Variants in ANKIB1 observed in about 807,000 individuals in gnomAD.
ANKIB1 encodes the protein ankyrin repeat and IBR domain-containing protein 1.
A neutral mutation model predicts 122.1 loss-of-function variants in ANKIB1; 43 were observed. That is an observed-to-expected ratio of 0.35 (90% CI 0.28 to 0.45). The LOEUF (loss-of-function observed/expected upper bound fraction) is 0.45. Among genes scored for constraint, ANKIB1 ranks in the 20% least tolerant of loss-of-function variants. The pLI is 1.00. For missense variants in ANKIB1, 992 were observed against 1,329.5 expected (o/e 0.75, Z 3.95); for synonymous variants, 390 against 442.0 (o/e 0.88, Z 1.48).
At position 92,362,106 on chromosome 7, in the gene ANKIB1, C is replaced by T. The variant is rs550805230; in HGVS notation, c.1398-79C>T. 60 of 1,341,218 alleles carry T rather than the reference C, an allele frequency of 4.5e-5. 1 individual carries two copies. The highest frequency in any genetic ancestry group is 3.6e-4 in the Middle Eastern group (2 of 5,506). 83.1% of individuals were successfully genotyped at this position (1,341,218 alleles called of 1,614,324 possible). A position where few individuals can be genotyped will look rare whatever the true frequency, so the allele number is the denominator to read the frequency against. On this transcript the variant is annotated intron_variant, in intron 9 of 19. Coordinates refer to ENST00000265742, the MANE Select transcript of ANKIB1 (RefSeq NM_019004.2). ...GATTACAGGCATGAGCCACCACGCC[C>T]GGCCTCTACACACTTTTTTTACCTT...
intron 9 of ANKIB1, among the ~76,000 whole-genome samples, chr7:92,357,913 A>G (rs1401382258): frequency 1.3e-5 from 2 of 152,148 alleles, no homozygotes; most frequent in Non-Finnish European, 2.9e-5. Flanking sequence ...TTATTTTTCC[A>G]GATGCCGTAG....
chr7:92,279,267 G>A (rs1191258110), intron 1 of ANKIB1, among the ~76,000 whole-genome samples: 1 of 152,186 alleles, frequency 6.6e-6, no homozygotes, highest in Non-Finnish European at 1.5e-5. Flanking sequence ...GCTACAACCT[G>A]GGGTTTGGGG....
intron 1 of ANKIB1, among the ~76,000 whole-genome samples, chr7:92,276,575 A>G (rs1347579647): frequency 2.0e-5 from 3 of 152,268 alleles, no homozygotes; most frequent in African/African-American, 7.2e-5. Flanking sequence ...CATTTAGCCA[A>G]GGTACCTTGA....
chr7:92,351,341 C>G (rs1426457218), intron 8 of ANKIB1, among the ~76,000 whole-genome samples: 3 of 152,090 alleles, frequency 2.0e-5, no homozygotes, highest in Non-Finnish European at 4.4e-5. Context: ...TAAAATAAAA[C>G]TATTTATCAG....
At chr7:92,257,566 G>A (rs772294143) in intron 1 of ANKIB1, among the ~76,000 whole-genome samples, 15 of 152,234 alleles carry the variant, frequency 9.9e-5, no homozygotes, top group Non-Finnish European at 1.9e-4. Context: ...GCTGAGGCAA[G>A]TGGATCACCT....
intron 9 of ANKIB1, among the ~76,000 whole-genome samples, chr7:92,355,798 G>A (rs1434156115): frequency 1.3e-5 from 2 of 151,210 alleles, no homozygotes; most frequent in South Asian, 4.2e-4. Context: ...GCAGTGAGCC[G>A]AGATCAAGCC....
intron 3 of ANKIB1, among the ~76,000 whole-genome samples, chr7:92,314,049 C>CCT (rs1802743581): frequency 1.3e-5 from 2 of 152,114 alleles, no homozygotes; most frequent in Non-Finnish European, 2.9e-5. Flanking sequence ...TGTAATCCCA[C>CCT]TACTTTGGTT....
chr7:92,294,754 A>T (rs187867168), intron 1 of ANKIB1, 135 bp from the exon 2 acceptor site: 1 of 434,158 alleles, frequency 2.3e-6, no homozygotes. Context: ...CTGTTAAGAT[A>T]AATTTGGTAA....
intron 1 of ANKIB1, among the ~76,000 whole-genome samples, chr7:92,266,800 C>T (rs1269251014): frequency 6.6e-6 from 1 of 152,210 alleles, no homozygotes; most frequent in Non-Finnish European, 1.5e-5. Context: ...CCACACATGG[C>T]AGAAGCCTAC....
intron 1 of ANKIB1, among the ~76,000 whole-genome samples, chr7:92,287,807 G>A (rs553604535): frequency 1.8e-4 from 27 of 152,050 alleles, no homozygotes; most frequent in Non-Finnish European, 3.8e-4. Context: ...AGGCCAGGGT[G>A]GGCAGATCAT....
At chr7:92,387,395 G>T (rs1453002684) in intron 12 of ANKIB1, among the ~76,000 whole-genome samples, 1 of 151,980 alleles carries the variant, frequency 6.6e-6, no homozygotes, top group African/African-American at 2.4e-5. Context: ...AGCACTTTTG[G>T]GAGGCCGAGG....
intron 9 of ANKIB1, among the ~76,000 whole-genome samples, chr7:92,361,890 A>G (rs1168551317): frequency 6.6e-6 from 1 of 151,710 alleles, no homozygotes; most frequent in Non-Finnish European, 1.5e-5. Flanking sequence ...GCTCACTGCA[A>G]CCTCCACCTC....
chr7:92,334,876 C>T (rs1803253867), intron 5 of ANKIB1, among the ~76,000 whole-genome samples: 1 of 151,826 alleles, frequency 6.6e-6, no homozygotes, highest in Non-Finnish European at 1.5e-5. Context: ...GTAAACAGTG[C>T]TGTGATTAGC....
intron 1 of ANKIB1, among the ~76,000 whole-genome samples, chr7:92,286,479 A>AT (rs34483972): frequency 0.015 from 1,959 of 134,282 alleles, 31 homozygotes; most frequent in African/African-American, 0.035. Flanking sequence ...TATTATCCGT[A>AT]TTTTTTTTTT....
chr7:92,285,437 G>T (rs10953068), intron 1 of ANKIB1, among the ~76,000 whole-genome samples: 22,423 of 152,136 alleles, frequency 0.15, 2,079 homozygotes, highest in East Asian at 0.38. Flanking sequence ...ATTGGTGGAC[G>T]TTTTAGTCTT....
chr7:92,309,942 A>AATATATATATATATATATATATATATAT (rs1162113763), intron 3 of ANKIB1, among the ~76,000 whole-genome samples: 11 of 91,686 alleles, frequency 1.2e-4, no homozygotes, highest in East Asian at 9.2e-4. Flanking sequence ...AAAAAAAAAA[A>AATATATATATATATATATATATATATAT]ATATATATAT....
intron 14 of ANKIB1, among the ~76,000 whole-genome samples, chr7:92,389,542 A>G (rs1023745885): frequency 1.3e-5 from 2 of 151,994 alleles, no homozygotes; most frequent in African/African-American, 4.8e-5. Context: ...TTGGTTTTGC[A>G]TAATTAGGCT....
intron 1 of ANKIB1, among the ~76,000 whole-genome samples, chr7:92,254,604 A>G (rs572852943): frequency 6.6e-6 from 1 of 152,230 alleles, no homozygotes; most frequent in African/African-American, 2.4e-5. Flanking sequence ...ATCTTTCAAT[A>G]TATTTGTTGG....
intron 9 of ANKIB1, 29 bp from the exon 10 acceptor site, chr7:92,362,156 A>G (rs1409842787): frequency 7.1e-6 from 11 of 1,556,826 alleles, no homozygotes; most frequent in Non-Finnish European, 9.6e-6. Context: ...ATATTTTAAA[A>G]TTGTCTTTTC....
Sources: gnomAD v4.1 joint callset for allele counts (sites outside exome capture counted in the v4.1 genomes callset) on GRCh38, gnomAD v4.1.1 for gene constraint, MANE v1.5 for transcripts, NCBI Gene and HGNC (gene_info 2026-07-23, HGNC 2026-07-21) for gene names.